Variants in PAPPA2 observed in about 807,000 individuals in gnomAD.
PAPPA2 encodes the protein pappalysin-2.
In PAPPA2, 86 loss-of-function variants were observed where a neutral mutation model predicts 176.4. The ratio of observed to expected loss-of-function variants is 0.49; its 90% CI spans 0.41 to 0.58. PAPPA2 has a LOEUF of 0.58. Ranked by LOEUF, PAPPA2 falls within the 20% of genes least tolerant of loss-of-function variation. The pLI, the probability that PAPPA2 is intolerant of heterozygous loss-of-function variation, is 0.00. For missense variants in PAPPA2, 2,073 were observed against 2,256.9 expected (o/e 0.92, Z 1.65); for synonymous variants, 809 against 852.2 (o/e 0.95, Z 0.88).
Position 176,494,608 on chromosome 1 carries a change from C to A in PAPPA2, c.-917+31190C>A, listed in dbSNP as rs933755283. ...CTTACTGACGTCAATGCAAGCTGTG[C>A]ATGCATAACTGAGGGCAGATTTTGG... On this transcript the variant is annotated intron_variant, in intron 1 of 22. Coordinates refer to ENST00000367662, the MANE Select transcript of PAPPA2 (RefSeq NM_020318.3). Among the ~76,000 whole-genome samples, 4 of 152,130 alleles carry A rather than the reference C, an allele frequency of 2.6e-5. No homozygotes were observed. In the South Asian group the frequency reaches 8.3e-4, roughly 32 times the overall value.
At chr1:176,683,948 C>G (rs1362085946) in intron 4 of PAPPA2, among the ~76,000 whole-genome samples, 1 of 152,116 alleles carries the variant, frequency 6.6e-6, no homozygotes, top group Non-Finnish European at 1.5e-5. Flanking sequence ...TCCCTTTGGT[C>G]TCTTTCCTCT....
chr1:176,762,435 C>T (rs923252091), intron 14 of PAPPA2, among the ~76,000 whole-genome samples: 1 of 152,100 alleles, frequency 6.6e-6, no homozygotes, highest in Non-Finnish European at 1.5e-5. Context: ...TGTGTCTTGT[C>T]TCAACATGTA....
intron 3 of PAPPA2, among the ~76,000 whole-genome samples, chr1:176,652,327 T>A (rs1261400708): frequency 1.3e-5 from 2 of 151,794 alleles, no homozygotes; most frequent in Non-Finnish European, 3.0e-5. Flanking sequence ...AGAGATTCTT[T>A]AAAATGTATC....
intron 20 of PAPPA2, among the ~76,000 whole-genome samples, chr1:176,796,590 C>A (rs1665435591): frequency 7.3e-6 from 1 of 136,298 alleles, no homozygotes; most frequent in Non-Finnish European, 1.5e-5. Context: ...CTGTTTCTTT[C>A]TTTCTCTTTC....
Position 176,695,865 on chromosome 1 carries a change from G to C in PAPPA2, c.2746+6G>C, listed in dbSNP as rs1341322753. 1.2e-6 allele frequency: 2 copies of C among 1,613,548 alleles called. No homozygotes were observed. Among genetic ancestry groups the C allele is most frequent in the Non-Finnish European group, 1.7e-6 (2 of 1,179,916 alleles). On this transcript the variant is annotated splice_donor_region_variant and intron_variant, in intron 7 of 22. Coordinates refer to ENST00000367662, the MANE Select transcript of PAPPA2 (RefSeq NM_020318.3). ...GACCCCAGAGGAGGCTGTGGGTAAA[G>C]TACCATGACATTTTTTCTTTATACC...
intron 14 of PAPPA2, among the ~76,000 whole-genome samples, chr1:176,750,801 CAT>C (rs765602510): frequency 6.6e-6 from 1 of 152,096 alleles, no homozygotes; most frequent in Non-Finnish European, 1.5e-5. Flanking sequence ...CATTATAAAA[CAT>C]ATAAAATTTG....
intron 3 of PAPPA2, among the ~76,000 whole-genome samples, chr1:176,651,367 T>C (rs1212366096): frequency 2.0e-5 from 3 of 151,714 alleles, no homozygotes; most frequent in Admixed American, 6.6e-5. Context: ...TTATCTGTCC[T>C]TCATATATGA....
chr1:176,508,262 A>C (rs956070588), intron 1 of PAPPA2, among the ~76,000 whole-genome samples: 1 of 152,214 alleles, frequency 6.6e-6, no homozygotes, highest in Admixed American at 6.5e-5. Context: ...GAAAACAGGA[A>C]AATATGATTC....
At chr1:176,678,983 A>C (rs1333607299) in intron 4 of PAPPA2, among the ~76,000 whole-genome samples, 2 of 152,148 alleles carry the variant, frequency 1.3e-5, no homozygotes, top group South Asian at 4.1e-4. Flanking sequence ...GGTTGTATGA[A>C]GCATGAGAAA....
At chr1:176,476,048 A>G (rs1053466700) in intron 1 of PAPPA2, among the ~76,000 whole-genome samples, 1 of 152,272 alleles carries the variant, frequency 6.6e-6, no homozygotes, top group South Asian at 2.1e-4. Flanking sequence ...GTTTTTGTAA[A>G]TTTTGGAGCA....
At chr1:176,566,569 A>G (rs939062529) in intron 2 of PAPPA2, among the ~76,000 whole-genome samples, 1 of 152,156 alleles carries the variant, frequency 6.6e-6, no homozygotes, top group Non-Finnish European at 1.5e-5. Context: ...ATGAGATGGA[A>G]ACCCATGGAG....
intron 21 of PAPPA2, among the ~76,000 whole-genome samples, chr1:176,834,576 A>G (rs1372817672): frequency 6.6e-6 from 1 of 152,210 alleles, no homozygotes; most frequent in Non-Finnish European, 1.5e-5. Context: ...TGGGGATATC[A>G]GCCTCCAGGG....
In PAPPA2 at chr1:176,792,966, C is replaced by T. The variant is rs569579383; in HGVS notation, c.5021-594C>T. ...TGCTTCTGATTCTTCACTGCTTCCT[C>T]CTTTAATCAAATAGGTTTATTGGCT... is the stretch of plus-strand genomic sequence containing the variant. On this transcript the variant is annotated intron_variant, in intron 19 of 22. Coordinates refer to ENST00000367662, the MANE Select transcript of PAPPA2 (RefSeq NM_020318.3). Among the ~76,000 whole-genome samples the T allele has an allele frequency of 3.7e-4, 56 of 152,246 alleles. 1 individual carries two copies. In the South Asian group the frequency reaches 0.011, roughly 31 times the overall value.
intron 21 of PAPPA2, among the ~76,000 whole-genome samples, chr1:176,831,995 C>T (rs973383130): frequency 1.3e-5 from 2 of 152,174 alleles, no homozygotes; most frequent in Non-Finnish European, 2.9e-5. Flanking sequence ...GAAGGAGGCT[C>T]TCAGGGATGG....
chr1:176,652,480 G>T (rs1657783253), intron 3 of PAPPA2, among the ~76,000 whole-genome samples: 1 of 151,616 alleles, frequency 6.6e-6, no homozygotes, highest in South Asian at 2.1e-4. Context: ...TCCTAAAGGG[G>T]ATATACCAGT....
chr1:176,669,126 G>C (rs1048538631), intron 3 of PAPPA2, among the ~76,000 whole-genome samples: 4 of 152,218 alleles, frequency 2.6e-5, no homozygotes, highest in Non-Finnish European at 5.9e-5. Context: ...GGTTGGAGAA[G>C]TGCCTGAGGA....
At chr1:176,782,704 C>G (rs1030765435) in intron 17 of PAPPA2, among the ~76,000 whole-genome samples, 1 of 152,122 alleles carries the variant, frequency 6.6e-6, no homozygotes, top group Non-Finnish European at 1.5e-5. Context: ...ACACACGGGA[C>G]CTCGTAGGCT....
At chr1:176,788,119 T>A (rs1477566709) in intron 17 of PAPPA2, among the ~76,000 whole-genome samples, 1 of 152,214 alleles carries the variant, frequency 6.6e-6, no homozygotes, top group Non-Finnish European at 1.5e-5. Flanking sequence ...ATGATTCAAC[T>A]TGGTGTTATC....
At chr1:176,714,920 A>G (rs868326529) in intron 12 of PAPPA2, among the ~76,000 whole-genome samples, 2 of 152,194 alleles carry the variant, frequency 1.3e-5, no homozygotes, top group Non-Finnish European at 2.9e-5. Flanking sequence ...GCGTCAGGGA[A>G]TCATCTTTGT....
Sources: allele counts gnomAD v4.1 joint callset (sites outside exome capture counted in the v4.1 genomes callset), GRCh38; gene constraint gnomAD v4.1.1; transcripts MANE v1.5; gene names NCBI Gene and HGNC (gene_info 2026-07-23, HGNC 2026-07-21).